STAU2: variants seen among roughly 807,000 people sequenced by gnomAD.
The protein encoded by STAU2 is staufen double-stranded RNA binding protein 2.
STAU2 carries 20 observed loss-of-function variants against 65.9 expected under a neutral mutation model. The ratio of observed to expected loss-of-function variants is 0.30; its 90% CI spans 0.21 to 0.44. The LOEUF (loss-of-function observed/expected upper bound fraction) is 0.44. STAU2 is among the 20% of genes least tolerant of loss of function. The pLI is 1.00. For synonymous variants in STAU2, 232 were observed against 233.9 expected, an observed-to-expected ratio of 0.99 and a Z score of 0.07; for missense variants, 558 against 683.9, an observed-to-expected ratio of 0.82 and a Z score of 2.05.
chr8:73,572,949 A>T (rs1252015367), intron 12 of STAU2, among the ~76,000 whole-genome samples: 2 of 152,238 alleles, frequency 1.3e-5, no homozygotes, highest in East Asian at 3.8e-4. Flanking sequence ...TTAGGAAAAG[A>T]GGAAGTCAAA....
intron 5 of STAU2, among the ~76,000 whole-genome samples, chr8:73,683,199 A>G (rs1181231620): frequency 6.6e-6 from 1 of 152,200 alleles, no homozygotes; most frequent in Non-Finnish European, 1.5e-5. Context: ...ATGAACATAG[A>G]TGCAAAAAAT....
At chr8:73,474,694 T>C (rs1202000653) in intron 13 of STAU2, among the ~76,000 whole-genome samples, 1 of 152,164 alleles carries the variant, frequency 6.6e-6, no homozygotes, top group African/African-American at 2.4e-5. Context: ...AGTTAATCCC[T>C]GCCTTCTGAT....
intron 13 of STAU2, among the ~76,000 whole-genome samples, chr8:73,518,674 G>A (rs1822873774): frequency 6.6e-6 from 1 of 152,088 alleles, no homozygotes; most frequent in African/African-American, 2.4e-5. Context: ...TGACTCACAG[G>A]CCATAGTTTA....
chr8:73,521,651 T>C (rs1306356484), intron 13 of STAU2, among the ~76,000 whole-genome samples: 5 of 152,198 alleles, frequency 3.3e-5, no homozygotes, highest in South Asian at 2.1e-4. Context: ...GCTAGTAATA[T>C]GCATACCATA....
chr8:73,723,920 C>T (rs1039672362), intron 3 of STAU2, among the ~76,000 whole-genome samples: 1 of 152,162 alleles, frequency 6.6e-6, no homozygotes. Flanking sequence ...TTTTACCTTG[C>T]TATATGACTC....
chr8:73,491,005 T>C lies in STAU2; in HGVS notation c.1530+61007A>G, dbSNP rs551809621. On this transcript the variant is annotated intron_variant, in intron 13 of 14. Transcript: ENST00000524300. Reference sequence around the variant, plus strand: ...GAAATTCATGGTATAGTTTATTTTATAGGCAAGGCTGATCTCAAATCCTCG... The same window carrying C: ...GAAATTCATGGTATAGTTTATTTTACAGGCAAGGCTGATCTCAAATCCTCG... 7.9e-5 allele frequency among the ~76,000 whole-genome samples: 12 copies of C among 152,130 alleles called. No homozygotes were observed. The East Asian group carries it at 2.1e-3, about 27-fold the overall frequency.
intron 5 of STAU2, among the ~76,000 whole-genome samples, chr8:73,686,758 T>G (rs888111663): frequency 4.6e-5 from 7 of 151,906 alleles, no homozygotes; most frequent in African/African-American, 1.7e-4. Context: ...GATAATGACA[T>G]ATAATGTTGT....
chr8:73,554,310 G>C (rs1254330989), intron 12 of STAU2, among the ~76,000 whole-genome samples: 4 of 152,232 alleles, frequency 2.6e-5, no homozygotes, highest in East Asian at 1.9e-4. Context: ...GGCTGAGCAG[G>C]GGATGGTTAC....
intron 4 of STAU2, among the ~76,000 whole-genome samples, chr8:73,690,319 ACT>A (rs1819238294): frequency 7.1e-6 from 1 of 140,190 alleles, no homozygotes; most frequent in Non-Finnish European, 1.5e-5. Flanking sequence ...ACAGAGCGAG[ACT>A]CTGTCTCAAA....
At chr8:73,522,550 T>C (rs1377736685) in intron 13 of STAU2, among the ~76,000 whole-genome samples, 1 of 152,244 alleles carries the variant, frequency 6.6e-6, no homozygotes, top group Non-Finnish European at 1.5e-5. Context: ...GTGACCTTTG[T>C]ATGCACTAGT....
intron 6 of STAU2, among the ~76,000 whole-genome samples, chr8:73,663,271 T>C (rs1310821965): frequency 6.6e-6 from 1 of 152,192 alleles, no homozygotes; most frequent in Non-Finnish European, 1.5e-5. Flanking sequence ...TTCAATTTCA[T>C]CTAAATGTCA....
rs34533172 is a variant in STAU2, at chr8:73,591,882, T to TAAAAAAAAAAAAAAAAAAA, written c.1161+3265_1161+3283dup. Among the ~76,000 whole-genome samples, 37 of 28,472 alleles carry TAAAAAAAAAAAAAAAAAAA rather than the reference T, an allele frequency of 1.3e-3. 1 individual carries two copies. The highest frequency in any genetic ancestry group is 3.1e-3 in the Admixed American group (5 of 1,632). The allele number at this position is 28,472 out of a possible 152,430, so 18.7% of individuals were successfully genotyped here. ...ACCCATACAGCGTGTATCCCAGAGGTAAAAAAAAAAAAAAAAAAAAAAAAA... is the reference window on the plus strand; with the variant it reads ...ACCCATACAGCGTGTATCCCAGAGGTAAAAAAAAAAAAAAAAAAAAAAAAAAAAAAAAAAAAAAAAAAAA... On this transcript the variant is annotated intron_variant, in intron 11 of 14. Coordinates refer to ENST00000524300, the MANE Select transcript of STAU2 (RefSeq NM_001164380.2).
At chr8:73,651,226 C>T (rs377447201) in intron 6 of STAU2, 1 of 781,436 alleles carries the variant, frequency 1.3e-6, no homozygotes, top group South Asian at 1.5e-5. Context: ...CTCAAATCTG[C>T]CTCCGCCAGA....
chr8:73,722,142 C>T (rs984273082), intron 3 of STAU2, among the ~76,000 whole-genome samples: 3 of 152,180 alleles, frequency 2.0e-5, no homozygotes, highest in Non-Finnish European at 1.5e-5. Context: ...TATCACCTCA[C>T]ACAGAGCAAA....
rs552809741 is a variant in STAU2, at chr8:73,687,380, ATATT to A, written c.274+1270_274+1273del. Among the ~76,000 whole-genome samples the A allele has an allele frequency of 2.5e-3, 290 of 117,822 alleles. 3 individuals carry two copies. The highest frequency in any genetic ancestry group is 9.3e-3 in the Middle Eastern group (2 of 216). 77.3% of individuals were successfully genotyped at this position (117,822 alleles called of 152,430 possible). A position where few individuals can be genotyped will look rare whatever the true frequency, so the allele number is the denominator to read the frequency against. ...ATAATATAAATATAATTTATAATTT[ATATT>A]TATAAAAATAATATATTTATATTTA... On this transcript the variant is annotated intron_variant, in intron 5 of 14. Transcript: ENST00000524300.
intron 6 of STAU2, among the ~76,000 whole-genome samples, chr8:73,668,711 T>C (rs1011658786): frequency 5.9e-5 from 9 of 152,112 alleles, no homozygotes; most frequent in Admixed American, 4.6e-4. Context: ...GATGTAATTA[T>C]TGTCAAACAT....
intron 6 of STAU2, among the ~76,000 whole-genome samples, chr8:73,645,441 A>G (rs948293622): frequency 1.3e-5 from 2 of 152,014 alleles, no homozygotes; most frequent in Admixed American, 6.5e-5. Context: ...GAACATGTCC[A>G]GTTGGATTTA....
intron 6 of STAU2, among the ~76,000 whole-genome samples, chr8:73,636,619 T>C (rs1472098900): frequency 1.3e-5 from 2 of 151,848 alleles, no homozygotes; most frequent in Non-Finnish European, 2.9e-5. Flanking sequence ...TCCCAGCACT[T>C]TGGTAGGCTG....
upstream of STAU2, chr8:73,747,375 C>T (rs936476936): frequency 4.6e-6 from 7 of 1,535,218 alleles, no homozygotes; most frequent in African/African-American, 8.2e-5. Flanking sequence ...TGCTCTGATT[C>T]CCCGCTCGTA....
Sources: allele counts gnomAD v4.1 joint callset (sites outside exome capture counted in the v4.1 genomes callset), GRCh38; gene constraint gnomAD v4.1.1; transcripts MANE v1.5; gene names NCBI Gene and HGNC (gene_info 2026-07-23, HGNC 2026-07-21).